The following R3HDM1 variants were observed in gnomAD, a reference collection of about 807,000 sequenced individuals.
R3HDM1 encodes R3H domain containing 1.
In R3HDM1, 46 loss-of-function variants were observed where a neutral mutation model predicts 141.1. The ratio of observed to expected loss-of-function variants is 0.33; its 90% CI spans 0.26 to 0.42. The LOEUF (loss-of-function observed/expected upper bound fraction) is 0.42, where lower values mean the gene tolerates loss of function less well. Among genes scored for constraint, R3HDM1 ranks in the 10% least tolerant of loss-of-function variants. R3HDM1 has a pLI of 1.00. For synonymous variants in R3HDM1, 435 were observed against 472.9 expected (o/e 0.92, Z 1.04); for missense variants, 1,184 against 1,368.3 (o/e 0.87, Z 2.12).
rs574372386 is a variant in R3HDM1 at position 135,594,831 on chromosome 2, CT to C, written c.-249-7668del. On this transcript the variant is annotated intron_variant, in intron 1 of 26. Transcript: ENST00000683871. ...TCTCCCCATCTTTCCTTACTGGCTT[CT>C]GTGGCCTACACACTTTTTCATTCTG... Among the ~76,000 whole-genome samples the C allele has an allele frequency of 2.7e-3, 404 of 152,240 alleles. 5 individuals carry two copies. Among genetic ancestry groups the C allele is most frequent in the Non-Finnish European group, 1.1e-3 (76 of 68,016 alleles).
chr2:135,574,329 A>T (rs1432202493), intron 1 of R3HDM1, among the ~76,000 whole-genome samples: 3 of 152,214 alleles, frequency 2.0e-5, no homozygotes, highest in Non-Finnish European at 4.4e-5. Context: ...GAAGAGACTA[A>T]TTTCCATAAA....
intron 1 of R3HDM1, chr2:135,584,441 C>A (rs899662183): frequency 1.1e-6 from 1 of 902,456 alleles, no homozygotes; most frequent in Non-Finnish European, 1.3e-6. Context: ...TCATTAGAAA[C>A]CTAAACCTGT....
At chr2:135,679,497 C>G (rs1322081080) in intron 20 of R3HDM1, among the ~76,000 whole-genome samples, 1 of 152,140 alleles carries the variant, frequency 6.6e-6, no homozygotes, top group Non-Finnish European at 1.5e-5. Flanking sequence ...CTCCAAAGCT[C>G]TCACTTTTTA....
intron 1 of R3HDM1, among the ~76,000 whole-genome samples, chr2:135,537,277 CTTTT>C (rs1036767352): frequency 5.1e-4 from 43 of 84,448 alleles, no homozygotes; most frequent in African/African-American, 1.0e-3. Flanking sequence ...ATTAGTCTGT[CTTTT>C]TTTTTTTTTT....
intron 19 of R3HDM1, among the ~76,000 whole-genome samples, chr2:135,671,533 C>A (rs2068346891): frequency 6.6e-6 from 1 of 151,636 alleles, no homozygotes; most frequent in Non-Finnish European, 1.5e-5. Context: ...CCACGCCTGG[C>A]TAATTTTGTA....
chr2:135,563,367 A>G (rs552832915), intron 1 of R3HDM1, among the ~76,000 whole-genome samples: 1 of 152,336 alleles, frequency 6.6e-6, no homozygotes, highest in Non-Finnish European at 1.5e-5. Context: ...AACTGTGTAC[A>G]TATCTTGTTC....
At chr2:135,653,745 T>C (rs989141726) in intron 18 of R3HDM1, among the ~76,000 whole-genome samples, 1 of 152,180 alleles carries the variant, frequency 6.6e-6, no homozygotes, top group Admixed American at 6.5e-5. Context: ...TAATCCCAAA[T>C]GGTGAAACCC....
intron 21 of R3HDM1, among the ~76,000 whole-genome samples, chr2:135,704,437 C>A (rs1440810770): frequency 6.6e-6 from 1 of 151,120 alleles, no homozygotes; most frequent in African/African-American, 2.4e-5. Context: ...TTTCAAAAAG[C>A]ATTTTAAAGT....
In R3HDM1 at chr2:135,654,863, A is replaced by AGTGT. The variant is rs60593262; in HGVS notation, c.2028+2868_2028+2871dup. On this transcript the variant is annotated intron_variant, in intron 18 of 26. Transcript: ENST00000683871. ...TTTTTTGGAGTATGTGTGTATATAA[A>AGTGT]GTGTGTGTGTGTGTGTGTGTGTGTG... Among the ~76,000 whole-genome samples, 723 of 136,688 alleles carry AGTGT rather than the reference A, an allele frequency of 5.3e-3. 5 individuals are homozygous for AGTGT. Among genetic ancestry groups the AGTGT allele is most frequent in the East Asian group, 0.016 (77 of 4,882 alleles). The allele number at this position is 136,688 out of a possible 152,430, so 89.7% of individuals were successfully genotyped here.
intron 17 of R3HDM1, 182 bp downstream of exon 17, chr2:135,650,185 T>C (rs1442168745): frequency 1.2e-5 from 12 of 969,666 alleles, no homozygotes; most frequent in African/African-American, 1.8e-5. Context: ...ATATTGGTTA[T>C]AGTGGCTTAT....
At chr2:135,652,190 A>G (rs148717995) in intron 18 of R3HDM1, among the ~76,000 whole-genome samples, 158 bp downstream of exon 18, 24 of 152,360 alleles carry the variant, frequency 1.6e-4, no homozygotes, top group Admixed American at 1.6e-3. Flanking sequence ...ATTTTCACGC[A>G]CATGCTAAGC....
chr2:135,652,624 TG>T (rs1239243122), intron 18 of R3HDM1, among the ~76,000 whole-genome samples: 8 of 152,222 alleles, frequency 5.3e-5, no homozygotes, highest in Non-Finnish European at 8.8e-5. Flanking sequence ...GTAATATTTT[TG>T]GTTGTACTAT....
chr2:135,554,458 A>G (rs991029656), intron 1 of R3HDM1, among the ~76,000 whole-genome samples: 2 of 152,126 alleles, frequency 1.3e-5, no homozygotes, highest in African/African-American at 4.8e-5. Flanking sequence ...TGTGAGCATC[A>G]CTCTGTAAAC....
intron 1 of R3HDM1, chr2:135,590,545 T>A (rs1709020881): frequency 1.0e-6 from 1 of 984,940 alleles, no homozygotes; most frequent in South Asian, 4.7e-5. Context: ...AAAAATAAAA[T>A]CTGAAATGCA....
chr2:135,629,998 A>C (rs2062476525), intron 7 of R3HDM1, among the ~76,000 whole-genome samples: 1 of 151,928 alleles, frequency 6.6e-6, no homozygotes, highest in Non-Finnish European at 1.5e-5. Context: ...ATAGATCAAA[A>C]GTAGATAAAA....
At chr2:135,643,616 A>C (rs1164873732) in intron 15 of R3HDM1, among the ~76,000 whole-genome samples, 1 of 152,158 alleles carries the variant, frequency 6.6e-6, no homozygotes, top group African/African-American at 2.4e-5. Flanking sequence ...TAATCTTTTA[A>C]TCTACTTATT....
intron 5 of R3HDM1, among the ~76,000 whole-genome samples, chr2:135,620,003 A>G (rs1017533356): frequency 2.0e-5 from 3 of 152,188 alleles, no homozygotes; most frequent in African/African-American, 4.8e-5. Flanking sequence ...TTTATTTGCT[A>G]CTGAAAACTA....
rs777542094 is a variant in R3HDM1 at position 135,723,953 on chromosome 2, G to A, written c.3066G>A (p.Leu1022=). 7 of 1,610,980 alleles carry A rather than the reference G, an allele frequency of 4.3e-6. No individual in the cohort carries two copies. Among genetic ancestry groups the A allele is most frequent in the Non-Finnish European group, 5.9e-6 (7 of 1,177,868 alleles). The part of the protein sequence containing the change: ...GAGETVVGKV[L]EITELPDGIT... ...CTATTCTAGTTGTTGGGAAGGTCTT[G>A]GAAATTACTGAACTACCAGATGGAA... The change falls in exon 27 of 27, where the codon TTG becomes TTA. Residue 1022 remains leucine, a synonymous_variant. Coordinates refer to ENST00000683871, the MANE Select transcript of R3HDM1 (RefSeq NM_001378107.1).
intron 24 of R3HDM1, among the ~76,000 whole-genome samples, chr2:135,719,518 ATGTT>A (rs1227098050): frequency 2.0e-5 from 3 of 152,156 alleles, no homozygotes. Context: ...TTAGATATAA[ATGTT>A]TGTATACTGA....
Sources: allele counts gnomAD v4.1 joint callset (sites outside exome capture counted in the v4.1 genomes callset), GRCh38; gene constraint gnomAD v4.1.1; transcripts MANE v1.5; gene names NCBI Gene and HGNC (gene_info 2026-07-23, HGNC 2026-07-21).